The following PPP2R5C variants were observed in gnomAD, a reference collection of about 807,000 sequenced individuals.
The protein encoded by PPP2R5C is serine/threonine-protein phosphatase 2A 56 kDa regulatory subunit gamma isoform.
A neutral mutation model predicts 68.9 loss-of-function variants in PPP2R5C; 7 were observed. The ratio of observed to expected loss-of-function variants is 0.10; its 90% confidence interval spans 0.06 to 0.19. The LOEUF is 0.19. PPP2R5C is among the 10% of genes least tolerant of loss of function. The probability of loss-of-function intolerance (pLI) is 1.00; values close to 1 mark genes in which losing one functional copy is unlikely to be tolerated. For synonymous variants in PPP2R5C, 210 were observed against 222.2 expected, an observed-to-expected ratio of 0.95 and a Z score of 0.49; for missense variants, 348 against 641.3, an observed-to-expected ratio of 0.54 and a Z score of 4.94.
exon 14 of PPP2R5C, chr14:101,927,711 A>G (rs2047333074): frequency 6.6e-6 from 1 of 152,626 alleles, no homozygotes; most frequent in Non-Finnish European, 1.5e-5. Context: ...TGTCCTATGT[A>G]CAGAATAAAA....
chr14:101,800,519 T>C (rs1412604758), intron 3 of PPP2R5C, among the ~76,000 whole-genome samples: 3 of 151,856 alleles, frequency 2.0e-5, no homozygotes. Context: ...GCCAAGATGG[T>C]GCCATTGCAC....
At chr14:101,856,204 G>A (rs1264900491) in intron 1 of PPP2R5C, among the ~76,000 whole-genome samples, 1 of 152,198 alleles carries the variant, frequency 6.6e-6, no homozygotes, top group African/African-American at 2.4e-5. Context: ...GTTGTAAGCT[G>A]AGGGCCTATA....
intron 9 of PPP2R5C, among the ~76,000 whole-genome samples, chr14:101,905,935 C>T (rs1379900294): frequency 6.6e-6 from 1 of 152,180 alleles, no homozygotes; most frequent in East Asian, 1.9e-4. Context: ...TGTGACTTAT[C>T]GTTTCTAGTA....
At position 101,882,104 on chromosome 14, in the gene PPP2R5C, G is replaced by C. The variant is rs2044204287; in HGVS notation, c.295-57G>C. 2.2e-6 allele frequency: 3 copies of C among 1,364,856 alleles called. No homozygotes were observed. Among genetic ancestry groups the C allele is most frequent in the East Asian group, 2.5e-5 (1 of 40,310 alleles). The allele number at this position is 1,364,856 out of a possible 1,614,324, so 84.5% of individuals were successfully genotyped here. A position where few individuals can be genotyped will look rare whatever the true frequency, so the allele number is the denominator to read the frequency against. ...AGAATTACCTAAGACTTTATAAAAT[G>C]TTGTCTGTAAATATTTTAAATGCCC... On this transcript the variant is annotated intron_variant, in intron 2 of 13. Coordinates refer to ENST00000334743, the Ensembl canonical transcript of PPP2R5C. The surrounding 1 kb of genome is among the most constrained non-coding windows in gnomAD (Gnocchi z 4.9).
intron 1 of PPP2R5C, chr14:101,824,439 T>C (rs945993749): frequency 2.1e-4 from 38 of 179,732 alleles, no homozygotes; most frequent in Non-Finnish European, 4.3e-4. Flanking sequence ...GCACGCATGT[T>C]CCTGATTTTA....
chr14:101,832,805 CCTT>C (rs1225713424), intron 1 of PPP2R5C, among the ~76,000 whole-genome samples: 2 of 152,184 alleles, frequency 1.3e-5, no homozygotes, highest in Non-Finnish European at 2.9e-5. Flanking sequence ...GTGTCATGCC[CCTT>C]CTTCCCCGCG....
At position 101,835,772 on chromosome 14, in the gene PPP2R5C, C is replaced by T. The variant is rs1159233955; in HGVS notation, c.95-20914C>T. ...GCACAGCCGTCCCCTCACGGGGTGC[C>T]TCTTGCCCTTGCAGATCACCAGGTG... On this transcript the variant is annotated intron_variant, in intron 1 of 13. Coordinates refer to ENST00000334743, the Ensembl canonical transcript of PPP2R5C. The surrounding 1 kb of genome is among the most constrained non-coding windows in gnomAD (Gnocchi z 5.0). Among the ~76,000 whole-genome samples the T allele has an allele frequency of 1.3e-5, 2 of 152,204 alleles. No individual in the cohort carries two copies. The highest frequency in any genetic ancestry group is 4.8e-5 in the African/African-American group (2 of 41,440).
chr14:101,851,323 CAG>C (rs2042142882), intron 1 of PPP2R5C, among the ~76,000 whole-genome samples: 1 of 152,106 alleles, frequency 6.6e-6, no homozygotes, highest in South Asian at 2.1e-4. Context: ...CCCAGCTACT[CAG>C]AGGGCTGGGG....
At position 101,835,894 on chromosome 14, in the gene PPP2R5C, G is replaced by A. The variant is rs2041060979; in HGVS notation, c.95-20792G>A. On this transcript the variant is annotated intron_variant, in intron 1 of 13. Coordinates refer to ENST00000334743, the Ensembl canonical transcript of PPP2R5C. The surrounding 1 kb of genome is among the most constrained non-coding windows in gnomAD (Gnocchi z 5.0). The stretch of plus-strand genomic sequence containing the variant: ...ACCTCTGTCCTTGTCTATCTAATGG[G>A]GATGATGGTAGCCCCTCTGTGTGTT... 6.6e-6 allele frequency among the ~76,000 whole-genome samples: 1 copy of A among 152,202 alleles called. No individual in the cohort carries two copies. The highest frequency in any genetic ancestry group is 6.5e-5 in the Admixed American group (1 of 15,278).
At chr14:101,809,272 G>T (rs3803287), upstream of PPP2R5C, among the ~76,000 whole-genome samples, 2 of 151,594 alleles carry the variant, frequency 1.3e-5, no homozygotes, top group African/African-American at 4.8e-5. Context: ...GGAAAAAATA[G>T]ATCTCAAGAA....
intron 1 of PPP2R5C, among the ~76,000 whole-genome samples, chr14:101,842,406 G>T (rs1487126434): frequency 1.3e-5 from 2 of 152,198 alleles, no homozygotes; most frequent in East Asian, 3.9e-4. Flanking sequence ...TTGCTTGTTG[G>T]TTTGCTTTCC....
chr14:101,919,709 T>G (rs1385554415), intron 13 of PPP2R5C, among the ~76,000 whole-genome samples: 1 of 152,154 alleles, frequency 6.6e-6, no homozygotes, highest in Non-Finnish European at 1.5e-5. Flanking sequence ...GGCTCACGCC[T>G]GTAATCCCAG....
At chr14:101,785,505 ATCT>A (rs2038051251) in intron 2 of PPP2R5C, among the ~76,000 whole-genome samples, 1 of 152,110 alleles carries the variant, frequency 6.6e-6, no homozygotes. Context: ...GCCATGTAGC[ATCT>A]TCACATCTCT....
intron 11 of PPP2R5C, 21 bp from the exon 14 acceptor site, chr14:101,912,380 T>C: frequency 1.3e-6 from 2 of 1,581,342 alleles, no homozygotes; most frequent in South Asian, 1.2e-5. Flanking sequence ...CTAACACAGA[T>C]GACATTTTAC....
intron 3 of PPP2R5C, among the ~76,000 whole-genome samples, chr14:101,787,739 C>A (rs543880515): frequency 2.0e-5 from 3 of 147,174 alleles, no homozygotes; most frequent in Non-Finnish European, 4.5e-5. Context: ...TGCACTCCAG[C>A]CTGGGCGACA....
intron 1 of PPP2R5C, among the ~76,000 whole-genome samples, chr14:101,812,594 A>G (rs754827279): frequency 6.6e-6 from 1 of 152,254 alleles, no homozygotes; most frequent in Non-Finnish European, 1.5e-5. Context: ...GGCTGCTTGA[A>G]GAACATTTTG....
intron 1 of PPP2R5C, among the ~76,000 whole-genome samples, chr14:101,817,521 C>T (rs77858397): frequency 0.028 from 4,202 of 152,232 alleles, 66 homozygotes; most frequent in Middle Eastern, 0.075. Flanking sequence ...GGGTGCATAA[C>T]CGTTTTTGAT....
intron 3 of PPP2R5C, among the ~76,000 whole-genome samples, chr14:101,788,484 G>A (rs950964141): frequency 6.6e-5 from 10 of 152,262 alleles, no homozygotes; most frequent in East Asian, 3.9e-4. Context: ...CTGAGGAGTC[G>A]CTGCACAAGC....
At chr14:101,794,755 C>A (rs774290195) in intron 3 of PPP2R5C, among the ~76,000 whole-genome samples, 11 of 152,160 alleles carry the variant, frequency 7.2e-5, no homozygotes, top group Non-Finnish European at 1.3e-4. Flanking sequence ...TAAATAGAGT[C>A]TTTTCTTCCA....
Sources: gnomAD v4.1 joint callset for allele counts (sites outside exome capture counted in the v4.1 genomes callset) on GRCh38, gnomAD v4.1.1 for gene constraint, Gnocchi (gnomAD v3.1) non-coding constraint, MANE v1.5 for transcripts, NCBI Gene and HGNC (gene_info 2026-07-23, HGNC 2026-07-21) for gene names.